Variants in DMXL1 observed in about 807,000 individuals in gnomAD.
DMXL1 encodes the protein dmX-like protein 1.
DMXL1 carries 99 observed loss-of-function variants against 319.2 expected under a neutral mutation model. That is an observed-to-expected ratio of 0.31 (90% CI 0.26 to 0.37). DMXL1 has a LOEUF of 0.37. Among genes scored for constraint, DMXL1 ranks in the 10% least tolerant of loss-of-function variants. DMXL1 has a pLI of 1.00. For synonymous variants in DMXL1, 1,385 were observed against 1,235.2 expected, an observed-to-expected ratio of 1.12 and a Z score of -2.54; for missense variants, 3,745 against 3,595.6, an observed-to-expected ratio of 1.04 and a Z score of -1.06.
intron 5 of DMXL1, 88 bp downstream of exon 5, chr5:119,110,371 C>A: frequency 8.2e-7 from 1 of 1,218,708 alleles, no homozygotes; most frequent in East Asian, 2.8e-5. Context: ...TAAAACCACA[C>A]TGACATAAAA....
chr5:119,139,513 T>A (rs1766804969), intron 13 of DMXL1, among the ~76,000 whole-genome samples: 2 of 151,982 alleles, frequency 1.3e-5, no homozygotes, highest in Admixed American at 1.3e-4. Flanking sequence ...CAACAAAGAT[T>A]AGAAAAAGAC....
chr5:119,178,185 T>G lies in DMXL1; in HGVS notation c.7076T>G (p.Val2359Gly), dbSNP rs771175040. 6.2e-7 allele frequency: 1 copy of G among 1,613,992 alleles called. No individual in the cohort carries two copies. Among genetic ancestry groups the G allele is most frequent in the Non-Finnish European group, 8.5e-7 (1 of 1,179,832 alleles). The stretch of plus-strand genomic sequence containing the variant: ...CTAAATGAGAAAATGTGGTCTGCTG[T>G]GTTTGGTGGAGGTGCACATGTTCCT... ...HPLNEKMWSA[V>G]FGGGAHVPSK... Residue 2359 changes from valine to glycine, a missense_variant, in exon 28 of 44, where the codon GTG becomes GGG. By Grantham distance (109) the Val-to-Gly change is moderately radical. Transcript: ENST00000539542.
In DMXL1 at chr5:119,133,975, CACA is replaced by C. The variant is rs1309811903; in HGVS notation, c.2056_2058del (p.Gln686del). On this transcript the variant is annotated inframe_deletion, in exon 12 of 44. Transcript: ENST00000539542. ...CTAAATATTGAAGAATGCTCTTTGA[CACA>C]ACAAAATAAAAGCACTGTTGACGTG... 1 of 1,614,058 alleles carries C rather than the reference CACA, an allele frequency of 6.2e-7. No individual in the cohort carries two copies. Among genetic ancestry groups the C allele is most frequent in the African/African-American group, 1.3e-5 (1 of 74,924 alleles).
intron 15 of DMXL1, among the ~76,000 whole-genome samples, chr5:119,145,567 TAATG>T (rs1228861083): frequency 6.6e-6 from 1 of 151,780 alleles, no homozygotes; most frequent in Non-Finnish European, 1.5e-5. Context: ...ATTAAAATAT[TAATG>T]AACATGTTAA....
At chr5:119,214,460 C>G (rs1420035206) in intron 34 of DMXL1, among the ~76,000 whole-genome samples, 1 of 152,168 alleles carries the variant, frequency 6.6e-6, no homozygotes, top group Non-Finnish European at 1.5e-5. Flanking sequence ...CAAAATCCAC[C>G]AATGGTTTCG....
In DMXL1 at chr5:119,108,257, C is replaced by T. The variant is rs796151818; in HGVS notation, c.365-1894C>T. 4.5e-4 allele frequency among the ~76,000 whole-genome samples: 68 copies of T among 152,162 alleles called. 1 individual carries two copies. The highest frequency in any genetic ancestry group is 1.5e-3 in the African/African-American group (61 of 41,506). ...ACACAAATCTATAGTCTTAAATTGC[C>T]AAGGTGAATGCCATCTTTATTGTCA... is the stretch of plus-strand genomic sequence containing the variant. On this transcript the variant is annotated intron_variant, in intron 4 of 43. Transcript: ENST00000539542.
chr5:119,161,819 T>G (rs1772334131), intron 19 of DMXL1, among the ~76,000 whole-genome samples: 1 of 152,186 alleles, frequency 6.6e-6, no homozygotes, highest in African/African-American at 2.4e-5. Context: ...TTTACCATGC[T>G]TCTGGAAGCA....
intron 42 of DMXL1, among the ~76,000 whole-genome samples, chr5:119,241,028 A>G (rs1469650066): frequency 6.6e-6 from 1 of 152,212 alleles, no homozygotes; most frequent in Admixed American, 6.5e-5. Flanking sequence ...GATGAAAATC[A>G]TAATTTTTTA....
At chr5:119,205,960 G>A (rs536300152) in intron 33 of DMXL1, among the ~76,000 whole-genome samples, 3 of 152,054 alleles carry the variant, frequency 2.0e-5, no homozygotes, top group Non-Finnish European at 4.4e-5. Flanking sequence ...CAGGTGATGG[G>A]AGAGTATTCT....
rs773578390 is a variant in DMXL1 at position 119,244,475 on chromosome 5, C to T, written c.8821C>T (p.Gln2941Ter). 6.2e-7 allele frequency: 1 copy of T among 1,614,166 alleles called. No homozygotes were observed. Among genetic ancestry groups the T allele is most frequent in the Non-Finnish European group, 8.5e-7 (1 of 1,180,020 alleles). ...TGTATTTGACCTTTGTCAACGACAA[C>T]AGAGGCAGCTTTTCCAGAGCCATGA... ...TYVFDLCQRQ[Q>*]RQLFQSHDSP... The change falls in exon 43 of 44, where the codon CAG becomes TAG. Residue 2941 changes from glutamine to a stop codon, truncating the protein, a stop_gained. Coordinates refer to ENST00000539542, the MANE Select transcript of DMXL1 (RefSeq NM_001290321.3). LOFTEE classifies it high-confidence loss of function.
intron 2 of DMXL1, among the ~76,000 whole-genome samples, 195 bp from the exon 3 acceptor site, chr5:119,101,740 C>T (rs974171875): frequency 5.9e-5 from 9 of 152,152 alleles, no homozygotes; most frequent in African/African-American, 2.2e-4. Flanking sequence ...GATTAAGTTG[C>T]TAGTTAACGT....
At position 119,143,822 on chromosome 5, in the gene DMXL1, A is replaced by T. The variant is rs1043708991; in HGVS notation, c.2377-19A>T. The stretch of plus-strand genomic sequence containing the variant: ...ATATGAATTGTTTAGTAAATTATAA[A>T]TTTTTTTAAAAAAAACAGAAATATG... On this transcript the variant is annotated intron_variant, in intron 13 of 43. Coordinates refer to ENST00000539542, the MANE Select transcript of DMXL1 (RefSeq NM_001290321.3). 3.3e-6 allele frequency: 5 copies of T among 1,517,882 alleles called. No individual in the cohort carries two copies. Among genetic ancestry groups the T allele is most frequent in the East Asian group, 2.3e-5 (1 of 43,114 alleles). 94.0% of individuals were successfully genotyped at this position (1,517,882 alleles called of 1,614,324 possible). A position where few individuals can be genotyped will look rare whatever the true frequency, so the allele number is the denominator to read the frequency against.
In DMXL1 at chr5:119,171,785, C is replaced by T; in HGVS notation, c.6497C>T (p.Ser2166Leu). 6.2e-7 allele frequency: 1 copy of T among 1,609,422 alleles called. No homozygotes were observed. The change falls in exon 25 of 44, where the codon TCA (serine) becomes TTA (leucine). Residue 2166 changes from serine to leucine, a missense_variant. Around this residue, in one of 4 missense-constraint regions of DMXL1, gnomAD observed 1,382 missense variants for 1,269.5 expected, o/e 1.09. Transcript: ENST00000539542. Reference protein sequence around the residue: ...LLLQESQQETSEPLFSSPLSE... With the variant: ...LLLQESQQETLEPLFSSPLSE... Reference sequence around the variant, plus strand: ...TCCCTCTTTGTTTTTAAGGAAACATCAGAACCACTATTTTCTAGCCCTCTG... The same window carrying T: ...TCCCTCTTTGTTTTTAAGGAAACATTAGAACCACTATTTTCTAGCCCTCTG...
intron 28 of DMXL1, 44 bp downstream of exon 28, chr5:119,178,288 G>A: frequency 3.8e-6 from 6 of 1,568,456 alleles, no homozygotes; most frequent in Non-Finnish European, 5.2e-6. Context: ...TTATTTATCT[G>A]AGTGATATCA....
chr5:119,072,763 A>G (rs1749911795), intron 1 of DMXL1, among the ~76,000 whole-genome samples: 1 of 152,186 alleles, frequency 6.6e-6, no homozygotes, highest in Non-Finnish European at 1.5e-5. Context: ...TTTTGTTTTC[A>G]AATAGAGACT....
chr5:119,110,811 C>T (rs148420624), intron 5 of DMXL1, among the ~76,000 whole-genome samples: 1 of 152,238 alleles, frequency 6.6e-6, no homozygotes, highest in African/African-American at 2.4e-5. Context: ...GATGTAGGAA[C>T]AGACAGATTA....
rs577208122 is a variant in DMXL1, at chr5:119,174,260, C to G, written c.6682-1001C>G. On this transcript the variant is annotated intron_variant, in intron 25 of 43. Coordinates refer to ENST00000539542, the MANE Select transcript of DMXL1 (RefSeq NM_001290321.3). Reference sequence around the variant, plus strand: ...CTAGATTTTTTTCAAATGGTAGTTTCAGGGGTTCAAGAGCAGCAAGAATAG... The same window carrying G: ...CTAGATTTTTTTCAAATGGTAGTTTGAGGGGTTCAAGAGCAGCAAGAATAG... 1.2e-4 allele frequency among the ~76,000 whole-genome samples: 19 copies of G among 152,216 alleles called. No homozygotes were observed. The South Asian group carries it at 3.9e-3, about 32-fold the overall frequency.
At chr5:119,215,415 C>G (rs1383785423) in intron 34 of DMXL1, among the ~76,000 whole-genome samples, 1 of 152,144 alleles carries the variant, frequency 6.6e-6, no homozygotes, top group Non-Finnish European at 1.5e-5. Context: ...TCAAGTGATT[C>G]TCGTGCCTCA....
intron 19 of DMXL1, among the ~76,000 whole-genome samples, chr5:119,161,186 C>G (rs1346178015): frequency 2.0e-5 from 3 of 152,168 alleles, no homozygotes; most frequent in Non-Finnish European, 4.4e-5. Flanking sequence ...GTTGGGTTCT[C>G]TAGGTGGCTA....
Sources: gnomAD v4.1 joint callset for allele counts (sites outside exome capture counted in the v4.1 genomes callset) on GRCh38, gnomAD v4.1.1 for gene constraint, gnomAD v4.1.1 regional missense constraint, MANE v1.5 for transcripts, NCBI Gene and HGNC (gene_info 2026-07-23, HGNC 2026-07-21) for gene names.